The following VPS36 variants were observed in gnomAD, a reference collection of about 807,000 sequenced individuals.
VPS36 encodes the protein vacuolar protein-sorting-associated protein 36.
Under a neutral mutation model 63.5 loss-of-function variants are expected in VPS36, and 31 were observed. The ratio of observed to expected loss-of-function variants is 0.49; its 90% CI spans 0.37 to 0.66. The LOEUF is 0.66. VPS36 is among the 30% of genes least tolerant of loss of function. The probability of loss-of-function intolerance (pLI) is 0.00; values close to 1 mark genes in which losing one functional copy is unlikely to be tolerated. For missense variants in VPS36, 338 were observed against 463.7 expected, an observed-to-expected ratio of 0.73 and a Z score of 2.49; for synonymous variants, 138 against 157.2, an observed-to-expected ratio of 0.88 and a Z score of 0.91.
At chr13:52,439,059 G>A in intron 3 of VPS36, 39 bp downstream of exon 3, 3 of 1,582,256 alleles carry the variant, frequency 1.9e-6, no homozygotes, top group South Asian at 1.1e-5. Flanking sequence ...AACAGGAAAT[G>A]TTTTCTGTGA....
intron 8 of VPS36, among the ~76,000 whole-genome samples, chr13:52,426,420 T>C (rs1240112188): frequency 6.6e-6 from 1 of 152,224 alleles, no homozygotes; most frequent in African/African-American, 2.4e-5. Context: ...ACATCAAACT[T>C]AGGGATATGT....
chr13:52,434,638 G>A (rs61958058), intron 5 of VPS36, among the ~76,000 whole-genome samples, 155 bp downstream of exon 5: 6,040 of 152,216 alleles, frequency 0.04, 136 homozygotes, highest in South Asian at 0.07. Flanking sequence ...GATTACAGGC[G>A]TGAGCCACCG....
chr13:52,423,386 T>C (rs1958064566), intron 10 of VPS36, among the ~76,000 whole-genome samples, 188 bp downstream of exon 10: 1 of 152,204 alleles, frequency 6.6e-6, no homozygotes, highest in Non-Finnish European at 1.5e-5. Flanking sequence ...TGAAGGTCAC[T>C]AAGCAAATCA....
chr13:52,441,757 A>C (rs1045126559), intron 2 of VPS36, among the ~76,000 whole-genome samples: 5 of 148,510 alleles, frequency 3.4e-5, no homozygotes, highest in African/African-American at 1.2e-4. Context: ...ATCTCAAAAA[A>C]AAGGGGGGGA....
intron 3 of VPS36, among the ~76,000 whole-genome samples, chr13:52,437,659 G>A (rs1429916968): frequency 1.3e-5 from 2 of 152,186 alleles, no homozygotes; most frequent in East Asian, 1.9e-4. Flanking sequence ...AGCCGGGCGC[G>A]GTGGCTCATG....
intron 1 of VPS36, among the ~76,000 whole-genome samples, chr13:52,445,904 C>T (rs1251880082): frequency 8.3e-6 from 1 of 120,634 alleles, no homozygotes; most frequent in Admixed American, 9.9e-5. Context: ...CGCGCCACTG[C>T]ACTCCAGCCT....
At chr13:52,438,135 A>G (rs1347272834) in intron 3 of VPS36, among the ~76,000 whole-genome samples, 2 of 152,112 alleles carry the variant, frequency 1.3e-5, no homozygotes, top group Non-Finnish European at 2.9e-5. Flanking sequence ...GAAGGTAAAT[A>G]TTTTAAATTT....
intron 9 of VPS36, among the ~76,000 whole-genome samples, chr13:52,425,027 G>A (rs1306035835): frequency 5.3e-5 from 8 of 151,152 alleles, no homozygotes; most frequent in South Asian, 2.1e-4. Flanking sequence ...TTGGGAGGCC[G>A]AGGCGGGCGG....
chr13:52,441,427 T>C (rs1471680031), intron 2 of VPS36, among the ~76,000 whole-genome samples: 1 of 152,078 alleles, frequency 6.6e-6, no homozygotes, highest in Non-Finnish European at 1.5e-5. Context: ...CAGCTCTATA[T>C]ACATATAATT....
At chr13:52,444,622 T>C (rs561142932) in intron 1 of VPS36, among the ~76,000 whole-genome samples, 50 of 150,100 alleles carry the variant, frequency 3.3e-4, no homozygotes, top group Non-Finnish European at 6.7e-4. Flanking sequence ...AGCATTACTA[T>C]ATATCATTCT....
At chr13:52,437,945 A>G (rs926244687) in intron 3 of VPS36, among the ~76,000 whole-genome samples, 4 of 151,866 alleles carry the variant, frequency 2.6e-5, no homozygotes, top group Admixed American at 6.6e-5. Context: ...AAAAAAAATT[A>G]TGAAATAAAA....
At chr13:52,425,816 A>G in intron 9 of VPS36, 116 bp downstream of exon 9, 1 of 1,113,552 alleles carries the variant, frequency 9.0e-7, no homozygotes, top group Non-Finnish European at 1.2e-6. Flanking sequence ...GAAAAAAAAA[A>G]CATGTCAGTT....
Position 52,414,316 on chromosome 13 carries a change from G to C in VPS36, c.*1514C>G, listed in dbSNP as rs1213087724. The C allele has an allele frequency of 6.6e-6, 1 of 152,192 alleles. No individual in the cohort carries two copies. The highest frequency in any genetic ancestry group is 1.5e-5 in the Non-Finnish European group (1 of 68,066). The allele number at this position is 152,192 out of a possible 1,614,324, so 9.4% of individuals were successfully genotyped here. On this transcript the variant is annotated 3_prime_UTR_variant, in exon 14 of 14. Coordinates refer to ENST00000378060, the MANE Select transcript of VPS36 (RefSeq NM_016075.4). Reference sequence around the variant, plus strand: ...TAAAAGACTTGGGCAGTCAGACACTGAGTTACCCTCAAAATAAACCTGAGG... The same window carrying C: ...TAAAAGACTTGGGCAGTCAGACACTCAGTTACCCTCAAAATAAACCTGAGG...
intron 10 of VPS36, among the ~76,000 whole-genome samples, chr13:52,418,573 CA>C (rs1201650906): frequency 0.073 from 2,266 of 31,158 alleles, 5 homozygotes; most frequent in Admixed American, 0.1. Context: ...GACTCCATCT[CA>C]AAAAAAAAAA....
intron 12 of VPS36, 47 bp downstream of exon 12, chr13:52,417,010 G>T (rs1958000516): frequency 6.5e-7 from 1 of 1,532,154 alleles, no homozygotes; most frequent in Non-Finnish European, 9.0e-7. Context: ...AAGCCTTCGG[G>T]TCTTCATAGC....
At position 52,413,206 on chromosome 13, in the gene VPS36, T is replaced by A. The variant is rs1381142803; in HGVS notation, c.*2624A>T. 1 of 152,286 alleles carries A rather than the reference T, an allele frequency of 6.6e-6. No homozygotes were observed. The highest frequency in any genetic ancestry group is 2.4e-5 in the African/African-American group (1 of 41,444). 9.4% of individuals were successfully genotyped at this position (152,286 alleles called of 1,614,324 possible). Reference sequence around the variant, plus strand: ...AGTATGAGAAAGATGACAGGATGAATCCACATTCTCTCAGATTAATCTGGT... The same window carrying A: ...AGTATGAGAAAGATGACAGGATGAAACCACATTCTCTCAGATTAATCTGGT... On this transcript the variant is annotated 3_prime_UTR_variant, in exon 14 of 14. Transcript: ENST00000378060.
intron 2 of VPS36, among the ~76,000 whole-genome samples, chr13:52,441,769 G>A (rs1051036125): frequency 3.3e-5 from 5 of 151,792 alleles, no homozygotes; most frequent in African/African-American, 1.2e-4. Context: ...AGGGGGGGAT[G>A]CGTGGGGGAC....
At chr13:52,444,028 AAAC>A (rs1958308786) in intron 1 of VPS36, among the ~76,000 whole-genome samples, 1 of 152,380 alleles carries the variant, frequency 6.6e-6, no homozygotes, top group Non-Finnish European at 1.5e-5. Flanking sequence ...TAAAAAAGAA[AAAC>A]AACAACAAAA....
chr13:52,430,753 C>G (rs1238979008), intron 6 of VPS36, among the ~76,000 whole-genome samples: 1 of 151,930 alleles, frequency 6.6e-6, no homozygotes, highest in Non-Finnish European at 1.5e-5. Context: ...GACTAATACA[C>G]AGACACATTC....
Sources: gnomAD v4.1 joint callset for allele counts (sites outside exome capture counted in the v4.1 genomes callset) on GRCh38, gnomAD v4.1.1 for gene constraint, MANE v1.5 for transcripts, NCBI Gene and HGNC (gene_info 2026-07-23, HGNC 2026-07-21) for gene names.